The following ZYG11B variants were observed in gnomAD, a reference collection of about 807,000 sequenced individuals.
The protein encoded by ZYG11B is zyg-11 family member B, cell cycle regulator.
Under a neutral mutation model 82.4 loss-of-function variants are expected in ZYG11B, and 36 were observed. That is an observed-to-expected ratio of 0.44 (90% CI 0.33 to 0.58). The LOEUF (loss-of-function observed/expected upper bound fraction) is 0.58, where lower values mean the gene tolerates loss of function less well. ZYG11B is among the 20% of genes least tolerant of loss of function. The pLI, the probability that ZYG11B is intolerant of heterozygous loss-of-function variation, is 0.02. For synonymous variants in ZYG11B, 303 were observed against 312.8 expected, an observed-to-expected ratio of 0.97 and a Z score of 0.33; for missense variants, 552 against 895.6, an observed-to-expected ratio of 0.62 and a Z score of 4.90.
chr1:52,799,539 C>T (rs1362773021), intron 8 of ZYG11B, among the ~76,000 whole-genome samples: 1 of 151,274 alleles, frequency 6.6e-6, no homozygotes, highest in Non-Finnish European at 1.5e-5. Context: ...TGGCCCACGC[C>T]TGTAATTTGG....
rs929988903 is a variant in ZYG11B at position 52,823,433 on chromosome 1, A to T, written c.*1804A>T. On this transcript the variant is annotated 3_prime_UTR_variant, in exon 14 of 14. Coordinates refer to ENST00000294353, the MANE Select transcript of ZYG11B (RefSeq NM_024646.3). Reference sequence around the variant, plus strand: ...TTAAATGCTGGGTTAATGCTGACTTAATTGGCTTAAGGAATTTTTATAGGC... The same window carrying T: ...TTAAATGCTGGGTTAATGCTGACTTTATTGGCTTAAGGAATTTTTATAGGC... The T allele has an allele frequency of 1.3e-5, 2 of 152,116 alleles. No individual in the cohort carries two copies. Among genetic ancestry groups the T allele is most frequent in the Non-Finnish European group, 2.9e-5 (2 of 68,032 alleles). 9.4% of individuals were successfully genotyped at this position (152,116 alleles called of 1,614,324 possible). A position where few individuals can be genotyped will look rare whatever the true frequency, so the allele number is the denominator to read the frequency against.
Position 52,748,553 on chromosome 1 carries a change from T to A in ZYG11B, c.31-7905T>A, listed in dbSNP as rs1571748148. Among the ~76,000 whole-genome samples the A allele has an allele frequency of 3.3e-5, 5 of 152,312 alleles. No homozygotes were observed. In the East Asian group the frequency reaches 9.6e-4, roughly 29 times the overall value. ...ATTAGGAAAGACATCACAGAAGTAG[T>A]GAGCTTTGAATTTTGAAAGATGAGG... On this transcript the variant is annotated intron_variant, in intron 1 of 13. Coordinates refer to ENST00000294353, the MANE Select transcript of ZYG11B (RefSeq NM_024646.3).
At chr1:52,733,872 A>G (rs1644356228) in intron 1 of ZYG11B, among the ~76,000 whole-genome samples, 1 of 152,210 alleles carries the variant, frequency 6.6e-6, no homozygotes, top group African/African-American at 2.4e-5. Context: ...AATTCCCACT[A>G]ATTGACACAC....
chr1:52,771,350 A>G lies in ZYG11B; in HGVS notation c.527A>G (p.Asn176Ser). The G allele has an allele frequency of 1.9e-6, 3 of 1,614,200 alleles. No homozygotes were observed. The highest frequency in any genetic ancestry group is 2.5e-6 in the Non-Finnish European group (3 of 1,180,036). ...ALSITNVLFYNEDLAEVASLP... is the reference protein window; with the variant it reads ...ALSITNVLFYSEDLAEVASLP... ...AGCATCACGAATGTTCTCTTTTACAATGAAGACCTGGCTGAAGTTGCCTCA... is the reference window on the plus strand; with the variant it reads ...AGCATCACGAATGTTCTCTTTTACAGTGAAGACCTGGCTGAAGTTGCCTCA... The change falls in exon 3 of 14, where the codon AAT becomes AGT. Residue 176 changes from asparagine (N) to serine (S), a missense_variant. This residue lies in a region of ZYG11B where 359 missense variants were observed against 555.8 expected (regional missense o/e 0.65). Coordinates refer to ENST00000294353, the MANE Select transcript of ZYG11B (RefSeq NM_024646.3). The surrounding 1 kb of genome is among the most constrained non-coding windows in gnomAD (Gnocchi z 5.4).
At chr1:52,746,696 T>TTTTTTTTTG (rs1644480023) in intron 1 of ZYG11B, among the ~76,000 whole-genome samples, 1 of 129,582 alleles carries the variant, frequency 7.7e-6, no homozygotes, top group Non-Finnish European at 1.6e-5. Flanking sequence ...TGTTTTTTTT[T>TTTTTTTTTG]TTTTTTTTTT....
chr1:52,745,915 C>T (rs954484196), intron 1 of ZYG11B, among the ~76,000 whole-genome samples: 1 of 150,682 alleles, frequency 6.6e-6, no homozygotes, highest in East Asian at 2.0e-4. Flanking sequence ...GTTGCCCAGG[C>T]TGGAGTGCAA....
chr1:52,758,192 C>CT (rs1238289103), intron 2 of ZYG11B, among the ~76,000 whole-genome samples: 2 of 125,472 alleles, frequency 1.6e-5, no homozygotes, highest in Non-Finnish European at 3.1e-5. Flanking sequence ...GAGCAAGACT[C>CT]TGTCTCAAAA....
intron 1 of ZYG11B, among the ~76,000 whole-genome samples, chr1:52,750,138 C>T (rs1200042444): frequency 6.6e-6 from 1 of 152,052 alleles, no homozygotes; most frequent in African/African-American, 2.4e-5. Context: ...TGCTCTGTCA[C>T]CCAGGCAGTA....
At chr1:52,796,873 A>ATATATATAATTATATATAATATATAAT (rs1645010712) in intron 8 of ZYG11B, 89 bp downstream of exon 8, 1 of 144,034 alleles carries the variant, frequency 6.9e-6, no homozygotes, top group Non-Finnish European at 1.3e-5. Context: ...CATTTTTTAT[A>ATATATATAATTATATATAATATATAAT]TATATATAAT....
intron 13 of ZYG11B, among the ~76,000 whole-genome samples, chr1:52,819,794 ATAATAAT>A (rs1381092445): frequency 7.1e-6 from 1 of 141,104 alleles, no homozygotes; most frequent in East Asian, 2.1e-4. Flanking sequence ...TGAAAAAAAA[ATAATAAT>A]AATAATAATA....
intron 1 of ZYG11B, among the ~76,000 whole-genome samples, chr1:52,729,245 A>G (rs530172356): frequency 6.6e-6 from 1 of 152,164 alleles, no homozygotes; most frequent in Non-Finnish European, 1.5e-5. Context: ...CTGGTGATCT[A>G]ATCACCTCCC....
intron 10 of ZYG11B, among the ~76,000 whole-genome samples, chr1:52,804,881 C>T (rs1431070727): frequency 2.6e-5 from 4 of 151,814 alleles, no homozygotes; most frequent in South Asian, 2.1e-4. Context: ...CACCTGAGGT[C>T]GGGAGTTCGA....
intron 2 of ZYG11B, among the ~76,000 whole-genome samples, chr1:52,770,107 T>C (rs1414958740): frequency 6.8e-6 from 1 of 146,834 alleles, no homozygotes; most frequent in African/African-American, 2.5e-5. Flanking sequence ...TTTTTTTTTT[T>C]CAGAGACAGG....
intron 10 of ZYG11B, among the ~76,000 whole-genome samples, chr1:52,809,163 A>T (rs1055871819): frequency 1.3e-5 from 2 of 151,362 alleles, no homozygotes; most frequent in Non-Finnish European, 2.9e-5. Context: ...TATGTTTTAA[A>T]TTGTGGTAAA....
At chr1:52,748,602 C>G (rs1644494762) in intron 1 of ZYG11B, among the ~76,000 whole-genome samples, 1 of 152,228 alleles carries the variant, frequency 6.6e-6, no homozygotes, top group Non-Finnish European at 1.5e-5. Context: ...GTGGCACATG[C>G]CTGTAATCCC....
intron 10 of ZYG11B, among the ~76,000 whole-genome samples, chr1:52,808,734 CAT>C (rs1395623969): frequency 2.6e-5 from 4 of 152,200 alleles, no homozygotes; most frequent in African/African-American, 4.8e-5. Context: ...CTAATTTGCA[CAT>C]GTTAAGCTGC....
chr1:52,776,479 A>G, intron 3 of ZYG11B, among the ~76,000 whole-genome samples: 1 of 148,882 alleles, frequency 6.7e-6, no homozygotes, highest in Non-Finnish European at 1.5e-5. Context: ...GGTTGCAGTG[A>G]GCCAAGATTG....
chr1:52,812,916 G>A (rs1030553299), intron 10 of ZYG11B, among the ~76,000 whole-genome samples: 18 of 151,918 alleles, frequency 1.2e-4, no homozygotes, highest in Non-Finnish European at 2.4e-4. Flanking sequence ...TAGTAGAGAC[G>A]GGCTTTCTCC....
chr1:52,780,613 A>G (rs1284070144), intron 4 of ZYG11B, among the ~76,000 whole-genome samples: 1 of 152,176 alleles, frequency 6.6e-6, no homozygotes, highest in South Asian at 2.1e-4. Flanking sequence ...TTACTCCGCA[A>G]TTAAGTTTTG....
Sources: gnomAD v4.1 joint callset for allele counts (sites outside exome capture counted in the v4.1 genomes callset) on GRCh38, gnomAD v4.1.1 for gene constraint, gnomAD v4.1.1 regional missense constraint, Gnocchi (gnomAD v3.1) non-coding constraint, MANE v1.5 for transcripts, NCBI Gene and HGNC (gene_info 2026-07-23, HGNC 2026-07-21) for gene names.